Variants in RNF216 observed in about 807,000 individuals in gnomAD.
RNF216 encodes the protein ring finger protein 216, also known as E3 ubiquitin-protein ligase RNF216.
RNF216 carries 72 observed loss-of-function variants against 110.8 expected under a neutral mutation model. The ratio of observed to expected loss-of-function variants is 0.65; its 90% CI spans 0.54 to 0.79. The LOEUF (loss-of-function observed/expected upper bound fraction) is 0.79, where lower values mean the gene tolerates loss of function less well. Ranked by LOEUF, RNF216 falls within the 30% of genes least tolerant of loss-of-function variation. The probability of loss-of-function intolerance (pLI) is 0.00; values close to 1 mark genes in which losing one functional copy is unlikely to be tolerated. For synonymous variants in RNF216, 495 were observed against 407.5 expected (o/e 1.21, Z -2.59); for missense variants, 1,342 against 1,141.2 (o/e 1.18, Z -2.54).
chr7:5,650,297 C>T (rs1250394703), intron 14 of RNF216, among the ~76,000 whole-genome samples: 2 of 152,172 alleles, frequency 1.3e-5, no homozygotes, highest in Non-Finnish European at 2.9e-5. Flanking sequence ...AAAAGGCTGC[C>T]AGGTTTAAAT....
At chr7:5,681,297 T>C (rs1790635101) in intron 13 of RNF216, among the ~76,000 whole-genome samples, 1 of 152,196 alleles carries the variant, frequency 6.6e-6, no homozygotes, top group Non-Finnish European at 1.5e-5. Context: ...TGAATTATCA[T>C]CTGGTTTCAT....
chr7:5,778,092 T>C (rs1401378777), intron 1 of RNF216, among the ~76,000 whole-genome samples: 2 of 152,252 alleles, frequency 1.3e-5, no homozygotes, highest in African/African-American at 4.8e-5. Context: ...TTTGAGTTAT[T>C]TCTTTTAAAC....
chr7:5,704,621 GA>G lies in RNF216; in HGVS notation c.2061+7139del, dbSNP rs1452178191. On this transcript the variant is annotated intron_variant, in intron 13 of 16. Transcript: ENST00000389902. Reference sequence around the variant, plus strand: ...ATACTTTTCAAACACCCAAGAGGAAGAAAACCCTTTCCTCATGGAGCATCTG... The same window carrying G: ...ATACTTTTCAAACACCCAAGAGGAAGAAACCCTTTCCTCATGGAGCATCTG... Among the ~76,000 whole-genome samples, 6 of 152,300 alleles carry G rather than the reference GA, an allele frequency of 3.9e-5. No homozygotes were observed. In the East Asian group the frequency reaches 1.2e-3, roughly 29 times the overall value.
At chr7:5,725,272 G>A in intron 8 of RNF216, 52 bp downstream of exon 8, 1 of 1,086,732 alleles carries the variant, frequency 9.2e-7, no homozygotes, top group Middle Eastern at 2.0e-4. Flanking sequence ...CTGTGAAGAA[G>A]AAAAGGTACA....
intron 13 of RNF216, among the ~76,000 whole-genome samples, chr7:5,697,589 A>G (rs1249556565): frequency 6.6e-6 from 1 of 152,188 alleles, no homozygotes; most frequent in Non-Finnish European, 1.5e-5. Context: ...TATGTTGTCC[A>G]GGCTGGCCTC....
intron 3 of RNF216, among the ~76,000 whole-genome samples, chr7:5,752,436 C>T (rs1795381257): frequency 1.3e-5 from 2 of 151,954 alleles, no homozygotes; most frequent in Non-Finnish European, 2.9e-5. Context: ...TTGGATTACG[C>T]AAACTGATTA....
At chr7:5,748,575 C>T (rs1157992323) in intron 3 of RNF216, among the ~76,000 whole-genome samples, 1 of 151,116 alleles carries the variant, frequency 6.6e-6, no homozygotes, top group Non-Finnish European at 1.5e-5. Flanking sequence ...CCTCAGCTTA[C>T]TTTATTATAA....
At chr7:5,755,214 AAAGGAAGGAAGGG>A (rs748266152) in intron 2 of RNF216, among the ~76,000 whole-genome samples, 70 of 112,010 alleles carry the variant, frequency 6.2e-4, no homozygotes, top group African/African-American at 2.3e-3. Context: ...GGGAAGGAAG[AAAGGAAGGAAGGG>A]AGGGAAGGAT....
At chr7:5,663,160 G>A (rs2128587523) in intron 13 of RNF216, among the ~76,000 whole-genome samples, 1 of 152,250 alleles carries the variant, frequency 6.6e-6, no homozygotes, top group East Asian at 1.9e-4. Context: ...CACTTTTAGT[G>A]GCGTCTTGTA....
chr7:5,746,852 C>T (rs561314869), intron 3 of RNF216, among the ~76,000 whole-genome samples: 1 of 152,130 alleles, frequency 6.6e-6, no homozygotes, highest in Non-Finnish European at 1.5e-5. Flanking sequence ...GAGTGTTCAT[C>T]CAAGAAATTC....
intron 16 of RNF216, 85 bp from the exon 17 acceptor site, chr7:5,623,264 G>C (rs748235479): frequency 3.1e-6 from 4 of 1,281,450 alleles, no homozygotes; most frequent in Non-Finnish European, 4.3e-6. Context: ...GCGACCTCTG[G>C]ACACGGGAGT....
intron 3 of RNF216, among the ~76,000 whole-genome samples, chr7:5,751,182 G>C (rs1308333943): frequency 6.6e-6 from 1 of 151,980 alleles, no homozygotes; most frequent in Non-Finnish European, 1.5e-5. Flanking sequence ...TCTCCAGCTG[G>C]AACAACAACA....
chr7:5,700,248 G>A (rs1407096027), intron 13 of RNF216, among the ~76,000 whole-genome samples: 1 of 152,092 alleles, frequency 6.6e-6, no homozygotes, highest in Non-Finnish European at 1.5e-5. Flanking sequence ...CACACCACAA[G>A]CCGCACACGT....
At chr7:5,743,555 A>T (rs1794881704) in intron 3 of RNF216, among the ~76,000 whole-genome samples, 1 of 152,260 alleles carries the variant, frequency 6.6e-6, no homozygotes, top group African/African-American at 2.4e-5. Flanking sequence ...AGTGAAGAAA[A>T]GCAAGCTGCA....
chr7:5,707,378 C>G (rs1311027112), intron 13 of RNF216, among the ~76,000 whole-genome samples: 1 of 152,116 alleles, frequency 6.6e-6, no homozygotes, highest in African/African-American at 2.4e-5. Flanking sequence ...CCTAAGTATT[C>G]CAACTTTTTT....
intron 1 of RNF216, chr7:5,774,910 C>A (rs992131005): frequency 6.6e-6 from 1 of 152,028 alleles, no homozygotes; most frequent in Non-Finnish European, 1.5e-5. Context: ...CCACCATGCC[C>A]AGCTAATTTT....
rs558205508 is a variant in RNF216, at chr7:5,700,375, C to A, written c.2061+11386G>T. ...ATGACAAAAAGGAGGTAAAACATTT[C>A]TTATAAAAAGGTATTTTGTAGGTAT... On this transcript the variant is annotated intron_variant, in intron 13 of 16. Transcript: ENST00000389902. 7.2e-5 allele frequency among the ~76,000 whole-genome samples: 11 copies of A among 152,262 alleles called. 1 individual carries two copies. In the South Asian group the frequency reaches 2.1e-3, roughly 29 times the overall value.
At chr7:5,659,184 T>C (rs1378382305) in intron 13 of RNF216, among the ~76,000 whole-genome samples, 3 of 152,188 alleles carry the variant, frequency 2.0e-5, no homozygotes, top group East Asian at 3.8e-4. Flanking sequence ...AGCTTACTTA[T>C]TCACTCATTT....
At position 5,741,322 on chromosome 7, in the gene RNF216, T is replaced by C; in HGVS notation, c.695A>G (p.His232Arg). Reference sequence around the variant, plus strand: ...TTGGTTCAGAGACTGGAAGTAAGGATGATCTAACCAGCAGTCTTCTTCGAT... The same window carrying C: ...TTGGTTCAGAGACTGGAAGTAAGGACGATCTAACCAGCAGTCTTCTTCGAT... Reference protein sequence around the residue: ...QAIEEDCWLDHPYFQSLNQQP... With the variant: ...QAIEEDCWLDRPYFQSLNQQP... The change falls in exon 4 of 17, where the codon CAT becomes CGT. Residue 232 changes from histidine to arginine, a missense_variant. His to Arg is a conservative substitution (Grantham distance 29, BLOSUM62 0). Transcript: ENST00000389902. 1 of 1,614,044 alleles carries C rather than the reference T, an allele frequency of 6.2e-7. No individual in the cohort carries two copies. Among genetic ancestry groups the C allele is most frequent in the Admixed American group, 1.7e-5 (1 of 60,028 alleles).
Sources: gnomAD v4.1 joint callset for allele counts (sites outside exome capture counted in the v4.1 genomes callset) on GRCh38, gnomAD v4.1.1 for gene constraint, MANE v1.5 for transcripts, NCBI Gene and HGNC (gene_info 2026-07-23, HGNC 2026-07-21) for gene names.